Variants in GPR19 observed in about 807,000 individuals in gnomAD.
The protein encoded by GPR19 is G protein-coupled receptor 19.
In GPR19, 14 loss-of-function variants were observed where a neutral mutation model predicts 28.5. The ratio of observed to expected loss-of-function variants is 0.49; its 90% CI spans 0.32 to 0.77. The LOEUF is 0.77. Among genes scored for constraint, GPR19 ranks in the 30% least tolerant of loss-of-function variants. GPR19 has a pLI of 0.03. For missense variants in GPR19, 409 were observed against 504.1 expected, an observed-to-expected ratio of 0.81 and a Z score of 1.81; for synonymous variants, 173 against 184.1, an observed-to-expected ratio of 0.94 and a Z score of 0.49.
chr12:12,662,205 C>G lies in GPR19; in HGVS notation c.244G>C (p.Gly82Arg). The stretch of plus-strand genomic sequence containing the variant: ...ATGACCAAACAAACCAGGGAATTGC[C>G]GAAGATAGAAAACAACCACAGAATC... ...FGILWLFSIF[G>R]NSLVCLVIHR... is the part of the protein sequence containing the mutation. Residue 82 changes from glycine to arginine, a missense_variant, in exon 4 of 4, where the codon GGC becomes CGC. Gly to Arg is a moderately radical substitution (Grantham distance 125). Coordinates refer to ENST00000651487, the MANE Select transcript of GPR19 (RefSeq NM_006143.3). 6.2e-7 allele frequency: 1 copy of G among 1,614,108 alleles called. No homozygotes were observed. Among genetic ancestry groups the G allele is most frequent in the Non-Finnish European group, 8.5e-7 (1 of 1,180,026 alleles).
upstream of GPR19, among the ~76,000 whole-genome samples, chr12:12,697,153 T>TAAAAAAAAAAAAAAAAAAAAA (rs386375639): frequency 6.1e-5 from 3 of 48,848 alleles, no homozygotes; most frequent in Non-Finnish European, 7.2e-5. Context: ...TGAAGCGAAG[T>TAAAAAAAAAAAAAAAAAAAAA]AAAAAAAAAA....
chr12:12,696,801 T>C (rs1409547776), upstream of GPR19, among the ~76,000 whole-genome samples: 1 of 152,220 alleles, frequency 6.6e-6, no homozygotes, highest in African/African-American at 2.4e-5. Context: ...AGTCATGTTT[T>C]CATTTGGGAA....
chr12:12,705,761 G>A, the GPR19 span, among the ~76,000 whole-genome samples: 20 of 152,048 alleles, frequency 1.3e-4, no homozygotes, highest in Non-Finnish European at 2.9e-4. Flanking sequence ...TGTTGCCCAG[G>A]CTGGTCTTGA....
At chr12:12,685,414 T>G (rs1391172348) in intron 2 of GPR19, among the ~76,000 whole-genome samples, 1 of 152,170 alleles carries the variant, frequency 6.6e-6, no homozygotes, top group Non-Finnish European at 1.5e-5. Context: ...TCCCTAGGCC[T>G]CAGGCAGGGC....
the GPR19 span, among the ~76,000 whole-genome samples, chr12:12,702,736 C>T: frequency 1.9e-4 from 29 of 152,280 alleles, no homozygotes; most frequent in Non-Finnish European, 4.0e-4. Context: ...GTCCTGAGAA[C>T]GCAGCATTCC....
At chr12:12,716,784 C>G in the GPR19 span, 6 of 985,350 alleles carry the variant, frequency 6.1e-6, no homozygotes, top group Non-Finnish European at 7.2e-6. Flanking sequence ...TGGGTTAAGG[C>G]TGAGCGAACC....
chr12:12,690,867 C>T (rs895034213), intron 2 of GPR19, among the ~76,000 whole-genome samples: 2 of 152,194 alleles, frequency 1.3e-5, no homozygotes, highest in Admixed American at 6.5e-5. Context: ...CTAAAAAGGG[C>T]TGTTGGCAAT....
intron 2 of GPR19, 130 bp downstream of exon 2, chr12:12,695,329 A>G (rs566854934): frequency 6.6e-6 from 1 of 152,330 alleles, no homozygotes; most frequent in East Asian, 1.9e-4. Flanking sequence ...GTAATGTGGT[A>G]GCTAAATGCC....
chr12:12,709,261 G>C, the GPR19 span, among the ~76,000 whole-genome samples: 1 of 151,984 alleles, frequency 6.6e-6, no homozygotes, highest in Non-Finnish European at 1.5e-5. Context: ...CGTAAATATA[G>C]GGAGTAGTAC....
At chr12:12,662,625 T>C (rs1001175207) in intron 3 of GPR19, among the ~76,000 whole-genome samples, 155 bp from the exon 4 acceptor site, 2 of 152,224 alleles carry the variant, frequency 1.3e-5, no homozygotes, top group Non-Finnish European at 2.9e-5. Flanking sequence ...ATAACTACTA[T>C]CCAGAAAAAA....
chr12:12,709,578 C>T, the GPR19 span, among the ~76,000 whole-genome samples: 103 of 152,180 alleles, frequency 6.8e-4, no homozygotes, highest in Non-Finnish European at 1.2e-3. Flanking sequence ...TAGCTGGGAT[C>T]ACAGGCACAT....
the GPR19 span, among the ~76,000 whole-genome samples, chr12:12,712,018 C>A: frequency 6.6e-6 from 1 of 152,244 alleles, no homozygotes; most frequent in African/African-American, 2.4e-5. Context: ...TGCCGTCAGA[C>A]ACTACTTCCA....
intron 2 of GPR19, among the ~76,000 whole-genome samples, chr12:12,688,102 G>C (rs1270041303): frequency 2.6e-5 from 4 of 152,186 alleles, no homozygotes; most frequent in Non-Finnish European, 5.9e-5. Context: ...AAGATGAAAA[G>C]TTGTTGAACG....
chr12:12,686,020 C>T (rs1157013795), intron 2 of GPR19, among the ~76,000 whole-genome samples: 2 of 152,120 alleles, frequency 1.3e-5, no homozygotes, highest in Non-Finnish European at 2.9e-5. Flanking sequence ...TAAATAAATA[C>T]AAATTTTATT....
Position 12,662,466 on chromosome 12 carries a change from T to A in GPR19, c.-18A>T. The A allele has an allele frequency of 6.2e-7, 1 of 1,607,194 alleles. No homozygotes were observed. Among genetic ancestry groups the A allele is most frequent in the Non-Finnish European group, 8.5e-7 (1 of 1,175,752 alleles). On this transcript the variant is annotated 5_prime_UTR_variant, in exon 4 of 4. It removes the in-frame stop codon of an upstream open reading frame in the 5' UTR. Transcript: ENST00000651487. ...AAAACCATATTCACTTTTTTTCTCT[T>A]AATTCTGGTTGGGGAAAAGAAGAAT...
At chr12:12,694,050 AG>A (rs1300286229) in intron 2 of GPR19, among the ~76,000 whole-genome samples, 2 of 151,982 alleles carry the variant, frequency 1.3e-5, no homozygotes, top group Non-Finnish European at 2.9e-5. Context: ...TGCAAAATGG[AG>A]GGTTTTAAGA....
At chr12:12,670,539 A>C (rs1490775959) in intron 3 of GPR19, among the ~76,000 whole-genome samples, 2 of 152,344 alleles carry the variant, frequency 1.3e-5, no homozygotes, top group East Asian at 3.9e-4. Context: ...TATTATAACT[A>C]GATGAGAGAA....
At chr12:12,702,587 T>C in the GPR19 span, among the ~76,000 whole-genome samples, 1 of 152,200 alleles carries the variant, frequency 6.6e-6, no homozygotes, top group African/African-American at 2.4e-5. Flanking sequence ...GGATCTCCAT[T>C]CTCCTTTTAC....
At chr12:12,710,172 T>C in the GPR19 span, among the ~76,000 whole-genome samples, 4 of 152,144 alleles carry the variant, frequency 2.6e-5, no homozygotes, top group Non-Finnish European at 4.4e-5. Flanking sequence ...GCTAACATGG[T>C]GAAACCTCGT....
Sources: gnomAD v4.1 joint callset for allele counts (sites outside exome capture counted in the v4.1 genomes callset) on GRCh38, gnomAD v4.1.1 for gene constraint, MANE v1.5 for transcripts, NCBI Gene and HGNC (gene_info 2026-07-23, HGNC 2026-07-21) for gene names.